MRPS28: variants seen among roughly 807,000 people sequenced by gnomAD.
The protein encoded by MRPS28 is small ribosomal subunit protein bS1m.
Under a neutral mutation model 10.8 loss-of-function variants are expected in MRPS28, and 7 were observed. The observed-to-expected ratio is 0.65, with a 90% CI of 0.37 to 1.22. The LOEUF is 1.22. MRPS28 is among the 50% of genes most tolerant of loss of function. The pLI is 0.02. For missense variants in MRPS28, 265 were observed against 232.9 expected (o/e 1.14, Z -0.90); for synonymous variants, 121 against 93.3 (o/e 1.30, Z -1.71).
chr8:79,948,760 A>G (rs550255701), intron 2 of MRPS28, among the ~76,000 whole-genome samples: 47 of 152,238 alleles, frequency 3.1e-4, no homozygotes, highest in African/African-American at 1.1e-3. Flanking sequence ...ATGATGAATT[A>G]CACTGATTTT....
intron 1 of MRPS28, among the ~76,000 whole-genome samples, chr8:80,025,929 T>C (rs1809483682): frequency 6.6e-6 from 1 of 152,212 alleles, no homozygotes; most frequent in Non-Finnish European, 1.5e-5. Flanking sequence ...TAAATATATA[T>C]AGCAATACTT....
intron 2 of MRPS28, chr8:79,958,300 G>A (rs1468786404): frequency 3.0e-6 from 2 of 665,606 alleles, no homozygotes; most frequent in Middle Eastern, 2.4e-4. Flanking sequence ...TTGGCATAAT[G>A]TTTTCAGGGT....
At chr8:79,959,756 G>C (rs879790224) in intron 2 of MRPS28, among the ~76,000 whole-genome samples, 3 of 152,036 alleles carry the variant, frequency 2.0e-5, no homozygotes, top group Admixed American at 1.3e-4. Context: ...GAAAATATTA[G>C]ATTATAATCC....
chr8:79,993,515 G>A (rs1055295603), intron 2 of MRPS28, among the ~76,000 whole-genome samples: 1 of 152,050 alleles, frequency 6.6e-6, no homozygotes, highest in African/African-American at 2.4e-5. Flanking sequence ...CCCCTCCAAT[G>A]CTATTCAGTC....
intron 2 of MRPS28, among the ~76,000 whole-genome samples, chr8:79,969,529 T>C (rs1412845354): frequency 6.6e-6 from 1 of 151,928 alleles, no homozygotes; most frequent in African/African-American, 2.4e-5. Flanking sequence ...TGACTAGAAA[T>C]AGAATAAAAA....
At chr8:80,010,969 T>C (rs1809025168) in intron 1 of MRPS28, among the ~76,000 whole-genome samples, 1 of 152,136 alleles carries the variant, frequency 6.6e-6, no homozygotes, top group African/African-American at 2.4e-5. Flanking sequence ...ATCCACAAAA[T>C]ACAACATTAA....
At chr8:79,947,801 A>AT (rs1371084456) in intron 2 of MRPS28, among the ~76,000 whole-genome samples, 5 of 148,446 alleles carry the variant, frequency 3.4e-5, no homozygotes, top group Non-Finnish European at 3.0e-5. Flanking sequence ...CGCCCGGCTA[A>AT]TTTTTTTTTG....
intron 2 of MRPS28, among the ~76,000 whole-genome samples, chr8:79,976,321 G>C (rs546886848): frequency 6.6e-6 from 1 of 152,168 alleles, no homozygotes; most frequent in Non-Finnish European, 1.5e-5. Flanking sequence ...GACCTCAGGT[G>C]ATCTGCCTGC....
intron 2 of MRPS28, 147 bp from the exon 3 acceptor site, chr8:79,919,295 C>A (rs888201490): frequency 5.7e-5 from 29 of 505,392 alleles, no homozygotes; most frequent in Middle Eastern, 6.0e-4. Flanking sequence ...CTGTATTTGA[C>A]AAAAAAGTAA....
At chr8:80,006,195 C>A (rs978265706) in intron 1 of MRPS28, among the ~76,000 whole-genome samples, 1 of 152,204 alleles carries the variant, frequency 6.6e-6, no homozygotes, top group Non-Finnish European at 1.5e-5. Context: ...CTTCTCAGCA[C>A]CACATCACAC....
At chr8:79,965,489 C>T (rs1055790092) in intron 2 of MRPS28, among the ~76,000 whole-genome samples, 1 of 152,030 alleles carries the variant, frequency 6.6e-6, no homozygotes. Flanking sequence ...CCACAGTAGT[C>T]TCATAAATGA....
intron 2 of MRPS28, among the ~76,000 whole-genome samples, chr8:79,936,270 A>G (rs1482405781): frequency 6.6e-6 from 1 of 152,104 alleles, no homozygotes; most frequent in Non-Finnish European, 1.5e-5. Flanking sequence ...GAGTTCATAC[A>G]GTGAGCTATG....
In MRPS28 at chr8:79,919,069, C is replaced by G. The variant is rs140920357; in HGVS notation, c.475G>C (p.Asp159His). The G allele has an allele frequency of 8.7e-6, 14 of 1,611,584 alleles. No individual in the cohort carries two copies. The highest frequency in any genetic ancestry group is 1.6e-4 in the Middle Eastern group (1 of 6,078). The change falls in exon 3 of 3, where the codon GAT becomes CAT. Residue 159 changes from aspartate (D) to histidine (H), a missense_variant. Coordinates refer to ENST00000276585, the MANE Select transcript of MRPS28 (RefSeq NM_014018.3). Reference protein sequence around the residue: ...LTSRFLGATTDTTVLEANAVL... With the variant: ...LTSRFLGATTHTTVLEANAVL... ...GCATTAGCCTCTAGTACAGTTGTAT[C>G]TGTTGTTGCTCCCAGGAACCTAGAC...
At position 79,996,037 on chromosome 8, in the gene MRPS28, A is replaced by G. The variant is rs959134489; in HGVS notation, c.395+6962T>C. On this transcript the variant is annotated intron_variant, in intron 2 of 2. Transcript: ENST00000276585. ...ATACAATATAGAAATTAATGTTTATAATTATGACCCTGGGTCATCAAAAGC... is the reference window on the plus strand; with the variant it reads ...ATACAATATAGAAATTAATGTTTATGATTATGACCCTGGGTCATCAAAAGC... Among the ~76,000 whole-genome samples, 11 of 152,330 alleles carry G rather than the reference A, an allele frequency of 7.2e-5. No individual in the cohort carries two copies. The East Asian group carries it at 1.7e-3, about 24-fold the overall frequency.
intron 2 of MRPS28, among the ~76,000 whole-genome samples, chr8:79,993,858 T>C (rs1415622402): frequency 6.6e-6 from 1 of 152,202 alleles, no homozygotes; most frequent in African/African-American, 2.4e-5. Context: ...TTCCACTCTT[T>C]ATCTGACCCT....
At chr8:79,989,332 G>T (rs1808289469) in intron 2 of MRPS28, among the ~76,000 whole-genome samples, 1 of 152,254 alleles carries the variant, frequency 6.6e-6, no homozygotes, top group South Asian at 2.1e-4. Context: ...GACGTTAAAA[G>T]CTGCAATTTT....
chr8:79,972,302 T>C (rs1807654751), intron 2 of MRPS28, among the ~76,000 whole-genome samples: 1 of 152,194 alleles, frequency 6.6e-6, no homozygotes, highest in Non-Finnish European at 1.5e-5. Flanking sequence ...TCAGCAACCA[T>C]GGATTTTGGT....
At chr8:79,986,228 C>T (rs574632626) in intron 2 of MRPS28, among the ~76,000 whole-genome samples, 4 of 152,104 alleles carry the variant, frequency 2.6e-5, no homozygotes, top group African/African-American at 4.8e-5. Flanking sequence ...AATCAACAAC[C>T]CTTCATGCTA....
chr8:79,966,509 A>G (rs958655964), intron 2 of MRPS28, among the ~76,000 whole-genome samples: 4 of 149,534 alleles, frequency 2.7e-5, no homozygotes, highest in East Asian at 3.9e-4. Context: ...TCTGCTCTCA[A>G]TACAATTATG....
Sources: gnomAD v4.1 joint callset for allele counts (sites outside exome capture counted in the v4.1 genomes callset) on GRCh38, gnomAD v4.1.1 for gene constraint, MANE v1.5 for transcripts, NCBI Gene and HGNC (gene_info 2026-07-23, HGNC 2026-07-21) for gene names.